HERC4: variants seen among roughly 807,000 people sequenced by gnomAD.
HERC4 encodes the protein probable E3 ubiquitin-protein ligase HERC4.
Under a neutral mutation model 124.3 loss-of-function variants are expected in HERC4, and 28 were observed. The observed-to-expected ratio is 0.23, with a 90% CI of 0.17 to 0.31. HERC4 has a LOEUF of 0.31. Ranked by LOEUF, HERC4 falls within the 10% of genes least tolerant of loss-of-function variation. The pLI is 1.00. For synonymous variants in HERC4, 407 were observed against 421.5 expected, an observed-to-expected ratio of 0.97 and a Z score of 0.42; for missense variants, 713 against 1,229.3, an observed-to-expected ratio of 0.58 and a Z score of 6.28.
intron 9 of HERC4, among the ~76,000 whole-genome samples, chr10:68,006,343 T>G (rs1158048164): frequency 6.6e-6 from 1 of 151,852 alleles, no homozygotes; most frequent in Non-Finnish European, 1.5e-5. Flanking sequence ...CTGCTGTTGA[T>G]GAAACGCCTC....
intron 20 of HERC4, among the ~76,000 whole-genome samples, chr10:67,940,220 C>T (rs1437655457): frequency 6.6e-6 from 1 of 152,308 alleles, no homozygotes; most frequent in African/African-American, 2.4e-5. Context: ...GCCACCGCAC[C>T]TGGCCCATTT....
chr10:67,956,195 T>G (rs2034133111), intron 17 of HERC4: 1 of 152,184 alleles, frequency 6.6e-6, no homozygotes, highest in African/African-American at 2.4e-5. Flanking sequence ...TAGTCAGATA[T>G]TCTATACCAG....
chr10:67,936,881 T>C (rs1246407208), intron 21 of HERC4, among the ~76,000 whole-genome samples: 2 of 152,168 alleles, frequency 1.3e-5, no homozygotes, highest in Non-Finnish European at 2.9e-5. Flanking sequence ...GTTAGATGAG[T>C]ATATTCCTGC....
At chr10:68,047,166 G>T (rs1245380430) in intron 3 of HERC4, among the ~76,000 whole-genome samples, 1 of 130,954 alleles carries the variant, frequency 7.6e-6, no homozygotes, top group Non-Finnish European at 1.7e-5. Flanking sequence ...TCAGACAAAA[G>T]AATAACATCC....
chr10:67,990,461 A>AAG, intron 13 of HERC4, 61 bp from the exon 14 acceptor site: 1 of 1,082,386 alleles, frequency 9.2e-7, no homozygotes. Context: ...TCAAAGAAAA[A>AAG]AAAAAAAAAG....
At chr10:68,020,877 CG>C in intron 8 of HERC4, among the ~76,000 whole-genome samples, 1 of 150,358 alleles carries the variant, frequency 6.7e-6, no homozygotes, top group Admixed American at 6.6e-5. Context: ...AATCAGCAAA[CG>C]TAAAGATAGG....
chr10:68,018,559 T>C (rs1004518889), intron 8 of HERC4, among the ~76,000 whole-genome samples: 3 of 152,146 alleles, frequency 2.0e-5, no homozygotes, highest in East Asian at 1.9e-4. Context: ...CAAAACTGAA[T>C]TGACTCACAG....
chr10:68,047,169 T>C (rs1291152048), intron 3 of HERC4, among the ~76,000 whole-genome samples: 1 of 131,648 alleles, frequency 7.6e-6, no homozygotes, highest in Non-Finnish European at 1.7e-5. Context: ...GACAAAAGAA[T>C]AACATCCCCA....
chr10:68,070,779 A>G (rs1383833878), intron 3 of HERC4, among the ~76,000 whole-genome samples: 2 of 151,168 alleles, frequency 1.3e-5, no homozygotes, highest in South Asian at 4.2e-4. Context: ...GATAATAAAA[A>G]GCTTTTCTCA....
At chr10:68,000,749 C>T (rs901767150) in intron 9 of HERC4, among the ~76,000 whole-genome samples, 4 of 152,064 alleles carry the variant, frequency 2.6e-5, no homozygotes, top group East Asian at 1.9e-4. Context: ...GATGCAGACA[C>T]GTACAGAGAG....
At chr10:68,020,630 G>A (rs1472522085) in intron 8 of HERC4, among the ~76,000 whole-genome samples, 5 of 151,206 alleles carry the variant, frequency 3.3e-5, no homozygotes, top group East Asian at 1.9e-4. Context: ...TTAGCCGGGC[G>A]TAGTGGCGGG....
intron 15 of HERC4, among the ~76,000 whole-genome samples, chr10:67,977,710 G>A (rs1231050011): frequency 6.6e-6 from 1 of 152,162 alleles, no homozygotes; most frequent in Non-Finnish European, 1.5e-5. Context: ...GACCAGGCAT[G>A]GTGGCTCACG....
At chr10:68,039,908 T>A (rs1216591593) in intron 4 of HERC4, 1 of 985,782 alleles carries the variant, frequency 1.0e-6, no homozygotes, top group African/African-American at 1.7e-5. Context: ...CATTTCAAAA[T>A]ACTACATTCT....
At chr10:68,042,739 C>T (rs1289700937) in intron 4 of HERC4, among the ~76,000 whole-genome samples, 2 of 152,144 alleles carry the variant, frequency 1.3e-5, no homozygotes, top group East Asian at 3.8e-4. Flanking sequence ...AAAAGCCTTA[C>T]ATCTGAAAAA....
At chr10:68,037,089 TTC>T (rs1440565257) in intron 5 of HERC4, among the ~76,000 whole-genome samples, 33 of 138,312 alleles carry the variant, frequency 2.4e-4, no homozygotes, top group African/African-American at 9.3e-4. Flanking sequence ...AACCTATTTC[TTC>T]TTTTTTTTTT....
chr10:68,006,357 G>A lies in HERC4; in HGVS notation c.1069+7669C>T, dbSNP rs779572373. Reference sequence around the variant, plus strand: ...TCTGCTGTTGATGAAACGCCTCAGCGTTTTTGTTTTTGTTTTTGTTTTTTT... The same window carrying A: ...TCTGCTGTTGATGAAACGCCTCAGCATTTTTGTTTTTGTTTTTGTTTTTTT... On this transcript the variant is annotated intron_variant, in intron 9 of 24. Transcript: ENST00000373700. 4.8e-5 allele frequency among the ~76,000 whole-genome samples: 7 copies of A among 145,384 alleles called. No homozygotes were observed. In the South Asian group the frequency reaches 6.6e-4, roughly 14 times the overall value.
At position 68,040,233 on chromosome 10, in the gene HERC4, T is replaced by C. The variant is rs2039691393; in HGVS notation, c.387-2064A>G. On this transcript the variant is annotated intron_variant, in intron 4 of 24. Transcript: ENST00000373700. ...CTTTCCAAAATACTAACCTAAGGCT[T>C]GTAACACACATTAAATGCTAATATC... 5.1e-6 allele frequency: 5 copies of C among 982,336 alleles called. No homozygotes were observed. In the South Asian group the frequency reaches 1.9e-4, roughly 37 times the overall value. The allele number at this position is 982,336 out of a possible 1,614,324, so 60.9% of individuals were successfully genotyped here. A position where few individuals can be genotyped will look rare whatever the true frequency, so the allele number is the denominator to read the frequency against.
intron 16 of HERC4, chr10:67,959,149 T>C: frequency 6.3e-7 from 1 of 1,586,586 alleles, no homozygotes; most frequent in South Asian, 1.2e-5. Flanking sequence ...AAGACAGCAG[T>C]GCAGAATATA....
At chr10:68,010,379 G>A in intron 9 of HERC4, 1 of 973,730 alleles carries the variant, frequency 1.0e-6, no homozygotes, top group Non-Finnish European at 1.6e-6. Context: ...GTGCCCCTGA[G>A]AAAGGAGACC....
Sources: allele counts gnomAD v4.1 joint callset (sites outside exome capture counted in the v4.1 genomes callset), GRCh38; gene constraint gnomAD v4.1.1; transcripts MANE v1.5; gene names NCBI Gene and HGNC (gene_info 2026-07-23, HGNC 2026-07-21).